Variants in PMEPA1 observed in about 807,000 individuals in gnomAD.
The protein encoded by PMEPA1 is protein TMEPAI.
Under a neutral mutation model 23.0 loss-of-function variants are expected in PMEPA1, and 11 were observed. That is an observed-to-expected ratio of 0.48 (90% CI 0.30 to 0.79). The LOEUF is 0.79. Ranked by LOEUF, PMEPA1 falls within the 30% of genes least tolerant of loss-of-function variation. PMEPA1 has a pLI of 0.06. For synonymous variants in PMEPA1, 204 were observed against 166.4 expected, an observed-to-expected ratio of 1.23 and a Z score of -1.74; for missense variants, 377 against 390.9, an observed-to-expected ratio of 0.96 and a Z score of 0.30.
rs73917705 is a variant in PMEPA1 at position 57,690,727 on chromosome 20, G to T, written c.109+18747C>A. The T allele has an allele frequency of 7.4e-4, 320 of 431,688 alleles. 1 individual carries two copies. Among genetic ancestry groups the T allele is most frequent in the African/African-American group, 6.2e-3 (297 of 48,286 alleles). The allele number at this position is 431,688 out of a possible 1,614,324, so 26.7% of individuals were successfully genotyped here. ...TTCTTCTGAGTTTTGTAAGTGACAC[G>T]CCCAGCCGACCCCCACCTGCCGGAA... is the stretch of plus-strand genomic sequence containing the variant. On this transcript the variant is annotated intron_variant, in intron 1 of 3. Transcript: ENST00000341744.
At chr20:57,667,152 A>G (rs759003820) in intron 1 of PMEPA1, among the ~76,000 whole-genome samples, 3 of 152,176 alleles carry the variant, frequency 2.0e-5, no homozygotes, top group African/African-American at 4.8e-5. Flanking sequence ...AGGTGCCTGC[A>G]TTTGGGATCC....
intron 1 of PMEPA1, among the ~76,000 whole-genome samples, chr20:57,691,047 G>A (rs1225812641): frequency 2.0e-5 from 3 of 152,036 alleles, no homozygotes; most frequent in South Asian, 2.1e-4. Flanking sequence ...CTTTTCCTAC[G>A]GGACTTCTGA....
At chr20:57,664,634 T>C (rs557047159) in intron 1 of PMEPA1, among the ~76,000 whole-genome samples, 2 of 152,082 alleles carry the variant, frequency 1.3e-5, no homozygotes. Context: ...AGCCGGACTC[T>C]CAGGATCAGA....
At chr20:57,658,622 G>A (rs946070835) in intron 2 of PMEPA1, among the ~76,000 whole-genome samples, 29 of 152,302 alleles carry the variant, frequency 1.9e-4, no homozygotes, top group African/African-American at 6.3e-4. Context: ...GGATGTGACT[G>A]TCAGCCCATT....
chr20:57,654,025 CTCTGGCAAAGGAGGTGTGTGGT>C (rs1223705146), intron 2 of PMEPA1, among the ~76,000 whole-genome samples: 1 of 152,122 alleles, frequency 6.6e-6, no homozygotes, highest in Non-Finnish European at 1.5e-5. Context: ...GTGATTCAGC[CTCTGGCAAAGGAGGTGTGTGGT>C]TCCACTGTGG....
At chr20:57,692,404 G>T (rs2071894121) in intron 1 of PMEPA1, among the ~76,000 whole-genome samples, 2 of 152,370 alleles carry the variant, frequency 1.3e-5, no homozygotes, top group African/African-American at 4.8e-5. Flanking sequence ...GGTCTGTCAG[G>T]GCTGGTGGCA....
intron 1 of PMEPA1, among the ~76,000 whole-genome samples, chr20:57,679,485 T>A (rs2071682394): frequency 6.6e-6 from 1 of 152,206 alleles, no homozygotes; most frequent in Non-Finnish European, 1.5e-5. Flanking sequence ...TCAGACCTGC[T>A]GGGGAAGCTC....
chr20:57,659,346 A>G (rs975424542), intron 2 of PMEPA1, among the ~76,000 whole-genome samples, 197 bp downstream of exon 2: 2 of 152,074 alleles, frequency 1.3e-5, no homozygotes, highest in African/African-American at 4.8e-5. Context: ...TTCCTCCAGC[A>G]TCTCTGAGGC....
chr20:57,690,547 T>C, intron 1 of PMEPA1: 2 of 1,287,950 alleles, frequency 1.6e-6, no homozygotes, highest in Non-Finnish European at 1.0e-6. Flanking sequence ...ATTAATTAAC[T>C]GTAGCAGGAG....
rs533056807 is a variant in PMEPA1, at chr20:57,653,753, C to T, written c.265-667G>A. On this transcript the variant is annotated intron_variant, in intron 2 of 3. Transcript: ENST00000341744. ...ACACGGCAGGCCAGGCTGCACGGCCCGCTGCTGTCCACTTTCAGTTCCAGC... is the reference window on the plus strand; with the variant it reads ...ACACGGCAGGCCAGGCTGCACGGCCTGCTGCTGTCCACTTTCAGTTCCAGC... 9.8e-5 allele frequency among the ~76,000 whole-genome samples: 15 copies of T among 152,342 alleles called. No homozygotes were observed. The East Asian group carries it at 1.5e-3, about 16-fold the overall frequency.
chr20:57,698,408 G>A (rs1259780777), intron 1 of PMEPA1, among the ~76,000 whole-genome samples: 1 of 152,128 alleles, frequency 6.6e-6, no homozygotes, highest in African/African-American at 2.4e-5. Context: ...AATCAGCCCT[G>A]GCTCACCGTG....
Position 57,660,465 on chromosome 20 carries a change from A to AAACACCCCAACACTCCTACACACAC in PMEPA1, c.110-793_110-769dup, listed in dbSNP as rs1466095672. 3.2e-4 allele frequency among the ~76,000 whole-genome samples: 39 copies of AAACACCCCAACACTCCTACACACAC among 123,674 alleles called. 1 individual carries two copies. The highest frequency in any genetic ancestry group is 1.1e-3 in the African/African-American group (34 of 32,064). The allele number at this position is 123,674 out of a possible 152,430, so 81.1% of individuals were successfully genotyped here. A position where few individuals can be genotyped will look rare whatever the true frequency, so the allele number is the denominator to read the frequency against. On this transcript the variant is annotated intron_variant, in intron 1 of 3. Transcript: ENST00000341744. The stretch of plus-strand genomic sequence containing the variant: ...CGTACCCCTAACACTCCTACACACA[A>AAACACCCCAACACTCCTACACACAC]AACACCCCAACACTCCTACACACAC...
At chr20:57,660,610 C>T (rs916546500) in intron 1 of PMEPA1, among the ~76,000 whole-genome samples, 21 of 142,348 alleles carry the variant, frequency 1.5e-4, no homozygotes, top group Non-Finnish European at 2.9e-4. Flanking sequence ...AACACGTACC[C>T]CTAACACTCC....
At chr20:57,694,627 A>G (rs1479243606) in intron 1 of PMEPA1, among the ~76,000 whole-genome samples, 1 of 152,210 alleles carries the variant, frequency 6.6e-6, no homozygotes. Context: ...ACCCTTGGGC[A>G]ATTGACTTCT....
intron 2 of PMEPA1, among the ~76,000 whole-genome samples, chr20:57,653,300 T>A (rs73302915): frequency 0.058 from 8,784 of 152,234 alleles, 346 homozygotes; most frequent in African/African-American, 0.11. Flanking sequence ...TGAGGTGCCC[T>A]CTGCTGTCCC....
intron 1 of PMEPA1, among the ~76,000 whole-genome samples, chr20:57,670,268 C>A (rs1476850064): frequency 6.6e-6 from 1 of 152,154 alleles, no homozygotes; most frequent in Non-Finnish European, 1.5e-5. Flanking sequence ...GGTCCACTGT[C>A]TCTCCTTCAC....
upstream of PMEPA1, chr20:57,710,700 A>C (rs1340093422): frequency 4.9e-5 from 23 of 471,362 alleles, no homozygotes; most frequent in Non-Finnish European, 7.9e-5. Context: ...CTGCTGCCCA[A>C]GGGGCCTCCG....
At chr20:57,706,281 G>A (rs1178091787) in intron 1 of PMEPA1, among the ~76,000 whole-genome samples, 3 of 152,182 alleles carry the variant, frequency 2.0e-5, no homozygotes, top group African/African-American at 7.2e-5. Context: ...GCAATAACCA[G>A]AGGAGAAAGA....
chr20:57,665,467 G>C (rs929902192), intron 1 of PMEPA1, among the ~76,000 whole-genome samples: 1 of 150,018 alleles, frequency 6.7e-6, no homozygotes, highest in Admixed American at 6.7e-5. Context: ...GTGTGATGCT[G>C]TGCGCATCTA....
Sources: allele counts gnomAD v4.1 joint callset (sites outside exome capture counted in the v4.1 genomes callset), GRCh38; gene constraint gnomAD v4.1.1; transcripts MANE v1.5; gene names NCBI Gene and HGNC (gene_info 2026-07-23, HGNC 2026-07-21).